UGT1A8: variants seen among roughly 807,000 people sequenced by gnomAD.
UGT1A8 encodes UDP-glucuronosyltransferase 1A8.
A neutral mutation model predicts 45.3 loss-of-function variants in UGT1A8; 39 were observed. That is an observed-to-expected ratio of 0.86 (90% CI 0.67 to 1.12). UGT1A8 has a LOEUF of 1.12. UGT1A8 is among the 50% of genes most tolerant of loss of function. The probability of loss-of-function intolerance (pLI) is 0.00; values close to 1 mark genes in which losing one functional copy is unlikely to be tolerated. For synonymous variants in UGT1A8, 275 were observed against 249.2 expected (o/e 1.10, Z -0.97); for missense variants, 719 against 664.9 (o/e 1.08, Z -0.90).
At chr2:233,655,486 G>A (rs945056341) in intron 1 of UGT1A8, among the ~76,000 whole-genome samples, 1 of 152,198 alleles carries the variant, frequency 6.6e-6, no homozygotes, top group Non-Finnish European at 1.5e-5. Flanking sequence ...TGCTTCTCTT[G>A]TCTTCTGCCT....
chr2:233,643,441 C>T (rs1358589528), intron 1 of UGT1A8, among the ~76,000 whole-genome samples: 2 of 152,062 alleles, frequency 1.3e-5, no homozygotes, highest in Non-Finnish European at 2.9e-5. Context: ...ACTTGCCCTT[C>T]AAGGCAGTGG....
At chr2:233,761,418 C>T (rs1559408324) in intron 1 of UGT1A8, among the ~76,000 whole-genome samples, 1 of 152,184 alleles carries the variant, frequency 6.6e-6, no homozygotes, top group Admixed American at 6.5e-5. Context: ...AAACAACAAG[C>T]TGTTAAATGC....
chr2:233,636,879 A>AT lies in UGT1A8; in HGVS notation c.855+18324dup, dbSNP rs753787295. 5 of 1,614,000 alleles carry AT rather than the reference A, an allele frequency of 3.1e-6. No homozygotes were observed. In the South Asian group the frequency reaches 4.4e-5, roughly 14 times the overall value. On this transcript the variant is annotated intron_variant, in intron 1 of 4. Transcript: ENST00000373450. ...GTTCATCCAGTGGTTTTCTTGACTT[A>AT]TTTTTTTCGCATTGCAGGAGTTTGT...
intron 1 of UGT1A8, among the ~76,000 whole-genome samples, chr2:233,656,703 GTGT>G (rs1362251799): frequency 6.6e-6 from 1 of 152,112 alleles, no homozygotes; most frequent in Non-Finnish European, 1.5e-5. Context: ...AAGGGAGGGA[GTGT>G]GACGAGGCGT....
intron 1 of UGT1A8, among the ~76,000 whole-genome samples, chr2:233,649,656 C>G (rs181100489): frequency 6.6e-6 from 1 of 152,138 alleles, no homozygotes; most frequent in East Asian, 1.9e-4. Context: ...AAAGTCTTTA[C>G]TTTGGATGCA....
intron 1 of UGT1A8, among the ~76,000 whole-genome samples, chr2:233,653,072 A>G (rs2073778842): frequency 2.0e-5 from 3 of 152,232 alleles, no homozygotes. Context: ...CGTGCCTGAC[A>G]TGGAGGCTCC....
chr2:233,724,376 G>T (rs1373227000), intron 1 of UGT1A8, among the ~76,000 whole-genome samples: 1 of 128,002 alleles, frequency 7.8e-6, no homozygotes, highest in African/African-American at 3.0e-5. Context: ...GGTGGCTGCC[G>T]GGCGGAGACG....
intron 1 of UGT1A8, among the ~76,000 whole-genome samples, chr2:233,620,060 A>G (rs2072972952): frequency 1.3e-5 from 2 of 152,094 alleles, no homozygotes; most frequent in African/African-American, 4.8e-5. Context: ...TGGAGTATAC[A>G]TTTTTGTCTA....
Position 233,715,341 on chromosome 2 carries a change from TAGGTTTG to T in UGT1A8, c.856-51683_856-51677del, listed in dbSNP as rs563425877. On this transcript the variant is annotated intron_variant, in intron 1 of 4. Coordinates refer to ENST00000373450, the MANE Select transcript of UGT1A8 (RefSeq NM_019076.5). ...TACATAGTGATTAGATTGGTGCATGTAGGTTTGAGGTTTGAGACTTATATTTTCTTCA... is the reference window on the plus strand; with the variant it reads ...TACATAGTGATTAGATTGGTGCATGTAGGTTTGAGACTTATATTTTCTTCA... 4.5e-3 allele frequency among the ~76,000 whole-genome samples: 684 copies of T among 152,178 alleles called. 4 individuals are homozygous for T. Among genetic ancestry groups the T allele is most frequent in the African/African-American group, 0.016 (645 of 41,522 alleles).
chr2:233,627,339 CTGAACCCCT>C (rs2073102140), intron 1 of UGT1A8, among the ~76,000 whole-genome samples: 2 of 151,946 alleles, frequency 1.3e-5, no homozygotes, highest in South Asian at 4.1e-4. Flanking sequence ...AATTTTAAAG[CTGAACCCCT>C]TTCTAAAACT....
At chr2:233,768,516 G>T in intron 4 of UGT1A8, 77 bp downstream of exon 4, 22 of 1,549,322 alleles carry the variant, frequency 1.4e-5, no homozygotes, top group Non-Finnish European at 1.9e-5. Context: ...AAACATTTAC[G>T]TAGCATTTAA....
chr2:233,746,345 T>C (rs887408714), intron 1 of UGT1A8, among the ~76,000 whole-genome samples: 14 of 151,796 alleles, frequency 9.2e-5, no homozygotes, highest in African/African-American at 1.7e-4. Context: ...GACATGTTTA[T>C]GTTGCTCCTT....
intron 1 of UGT1A8, chr2:233,690,374 G>C (rs981595898): frequency 9.0e-6 from 8 of 886,718 alleles, no homozygotes; most frequent in Non-Finnish European, 1.1e-5. Context: ...CTCTCCATAG[G>C]GTCCACGTTT....
intron 1 of UGT1A8, among the ~76,000 whole-genome samples, chr2:233,679,256 G>A (rs1260672026): frequency 6.6e-6 from 1 of 152,236 alleles, no homozygotes; most frequent in Admixed American, 6.5e-5. Flanking sequence ...TTAAAAGACA[G>A]TCCCTTGCTG....
chr2:233,669,119 T>C (rs2074132416), intron 1 of UGT1A8, among the ~76,000 whole-genome samples: 1 of 152,248 alleles, frequency 6.6e-6, no homozygotes, highest in Non-Finnish European at 1.5e-5. Flanking sequence ...CAGAATTGCC[T>C]GTGCACCTTT....
chr2:233,748,006 A>T, intron 1 of UGT1A8: 1 of 1,613,448 alleles, frequency 6.2e-7, no homozygotes, highest in African/African-American at 1.3e-5. Context: ...GTGATGGATT[A>T]CCCCAGGCCG....
chr2:233,767,784 A>C, intron 2 of UGT1A8, 65 bp from the exon 3 acceptor site: 1 of 1,613,694 alleles, frequency 6.2e-7, no homozygotes, highest in East Asian at 2.2e-5. Flanking sequence ...TAGTTAGTAT[A>C]GCAGATTTGT....
chr2:233,717,045 C>T (rs1187354283), intron 1 of UGT1A8, among the ~76,000 whole-genome samples: 1 of 152,150 alleles, frequency 6.6e-6, no homozygotes, highest in Non-Finnish European at 1.5e-5. Flanking sequence ...ACATGGGCCT[C>T]CGCAGGGTCT....
At chr2:233,759,132 G>A (rs532304308) in intron 1 of UGT1A8, among the ~76,000 whole-genome samples, 12 of 152,322 alleles carry the variant, frequency 7.9e-5, no homozygotes, top group Non-Finnish European at 1.8e-4. Context: ...CCTCTGGTAC[G>A]CAATGAAGGT....
Sources: gnomAD v4.1 joint callset for allele counts (sites outside exome capture counted in the v4.1 genomes callset) on GRCh38, gnomAD v4.1.1 for gene constraint, MANE v1.5 for transcripts, NCBI Gene and HGNC (gene_info 2026-07-23, HGNC 2026-07-21) for gene names.